EPHA7: variants seen among roughly 807,000 people sequenced by gnomAD.
EPHA7 encodes EPH receptor A7.
EPHA7 carries 25 observed loss-of-function variants against 112.6 expected under a neutral mutation model. The observed-to-expected ratio is 0.22, with a 90% CI of 0.16 to 0.31. The LOEUF is 0.31. Among genes scored for constraint, EPHA7 ranks in the 10% least tolerant of loss-of-function variants. EPHA7 has a pLI of 1.00. For synonymous variants in EPHA7, 437 were observed against 406.5 expected (o/e 1.07, Z -0.90); for missense variants, 962 against 1,212.6 (o/e 0.79, Z 3.07).
At chr6:93,352,301 A>C (rs577395991) in intron 5 of EPHA7, among the ~76,000 whole-genome samples, 1 of 152,132 alleles carries the variant, frequency 6.6e-6, no homozygotes, top group Admixed American at 6.6e-5. Context: ...TGTTTTTATT[A>C]ACGTTCATAC....
At chr6:93,253,336 A>T (rs2127853539) in intron 14 of EPHA7, among the ~76,000 whole-genome samples, 1 of 152,220 alleles carries the variant, frequency 6.6e-6, no homozygotes, top group East Asian at 1.9e-4. Flanking sequence ...ATCCAATTCA[A>T]AATATCAATA....
At chr6:93,398,451 T>C (rs1245730767) in intron 3 of EPHA7, among the ~76,000 whole-genome samples, 1 of 152,052 alleles carries the variant, frequency 6.6e-6, no homozygotes, top group African/African-American at 2.4e-5. Flanking sequence ...TATGAAAATG[T>C]GCCATACCGT....
chr6:93,327,437 G>A (rs1774377530), intron 5 of EPHA7, among the ~76,000 whole-genome samples: 1 of 151,124 alleles, frequency 6.6e-6, no homozygotes. Flanking sequence ...ATTCCATGTC[G>A]ATGCTGAAAA....
chr6:93,242,017 G>C lies in EPHA7; in HGVS notation c.*1409C>G, dbSNP rs1014012183. 9 of 209,558 alleles carry C rather than the reference G, an allele frequency of 4.3e-5. No individual in the cohort carries two copies. The highest frequency in any genetic ancestry group is 7.8e-5 in the Non-Finnish European group (8 of 102,716). 13.0% of individuals were successfully genotyped at this position (209,558 alleles called of 1,614,324 possible). A position where few individuals can be genotyped will look rare whatever the true frequency, so the allele number is the denominator to read the frequency against. On this transcript the variant is annotated 3_prime_UTR_variant, in exon 17 of 17. Coordinates refer to ENST00000369303, the MANE Select transcript of EPHA7 (RefSeq NM_004440.4). ...TTTGGAAGTACAACAGTTCAATTCT[G>C]GGGTAGTTCATGATTTTCATAAGTT...
intron 3 of EPHA7, among the ~76,000 whole-genome samples, chr6:93,396,102 GCTAAA>G (rs1778158918): frequency 6.6e-6 from 1 of 151,816 alleles, no homozygotes; most frequent in Admixed American, 6.6e-5. Context: ...CACAGAAAAT[GCTAAA>G]CTATTTATCT....
rs191066169 is a variant in EPHA7, at chr6:93,294,759, T to C, written c.1325-22337A>G. On this transcript the variant is annotated intron_variant, in intron 5 of 16. Coordinates refer to ENST00000369303, the MANE Select transcript of EPHA7 (RefSeq NM_004440.4). ...GCTTAAATCCAACTTTTTCAATGCATACATTAATAGATATAGATTCACATA... is the reference window on the plus strand; with the variant it reads ...GCTTAAATCCAACTTTTTCAATGCACACATTAATAGATATAGATTCACATA... Among the ~76,000 whole-genome samples, 147 of 152,240 alleles carry C rather than the reference T, an allele frequency of 9.7e-4. 2 individuals are homozygous for C. The highest frequency in any genetic ancestry group is 3.3e-3 in the African/African-American group (139 of 41,574).
At chr6:93,244,667 C>G (rs1356980392) in intron 16 of EPHA7, among the ~76,000 whole-genome samples, 6 of 151,592 alleles carry the variant, frequency 4.0e-5, no homozygotes, top group African/African-American at 1.2e-4. Context: ...TTTATCAGGT[C>G]ATTTTTTTCA....
chr6:93,296,293 C>T (rs1348361706), intron 5 of EPHA7, among the ~76,000 whole-genome samples: 1 of 151,080 alleles, frequency 6.6e-6, no homozygotes, highest in Non-Finnish European at 1.5e-5. Flanking sequence ...TGGGACTATA[C>T]CCAAAGGGAA....
At chr6:93,346,353 TA>T (rs1336358482) in intron 5 of EPHA7, among the ~76,000 whole-genome samples, 3 of 151,698 alleles carry the variant, frequency 2.0e-5, no homozygotes, top group African/African-American at 7.3e-5. Flanking sequence ...ACCGCTTCAA[TA>T]ACACTTAGAG....
chr6:93,343,261 A>G (rs750493052), intron 5 of EPHA7, among the ~76,000 whole-genome samples: 1 of 151,724 alleles, frequency 6.6e-6, no homozygotes, highest in Non-Finnish European at 1.5e-5. Flanking sequence ...CTTACATGCA[A>G]TTTAAATAAT....
Position 93,411,107 on chromosome 6 carries a change from C to G in EPHA7, c.226G>C (p.Val76Leu). The stretch of plus-strand genomic sequence containing the variant: ...CAGTTGTTTTGGTTGGGCTCCATGA[C>G]TTGGCACACCTGGTATGTTCGTATC... ...TPIRTYQVCQVMEPNQNNWLR... is the reference protein window; with the variant it reads ...TPIRTYQVCQLMEPNQNNWLR... Residue 76 changes from valine to leucine, a missense_variant, in exon 3 of 17, where the codon GTC becomes CTC. Physicochemically the swap from Val to Leu is conservative, Grantham distance 32. Around this residue, in one of 3 missense-constraint regions of EPHA7, gnomAD observed 160 missense variants for 263.6 expected, o/e 0.61. Transcript: ENST00000369303. The G allele has an allele frequency of 6.2e-7, 1 of 1,613,730 alleles. No individual in the cohort carries two copies. Among genetic ancestry groups the G allele is most frequent in the East Asian group, 2.2e-5 (1 of 44,868 alleles).
chr6:93,255,367 A>AACG (rs1156812355), intron 13 of EPHA7, among the ~76,000 whole-genome samples: 3 of 151,818 alleles, frequency 2.0e-5, no homozygotes, highest in Non-Finnish European at 4.4e-5. Flanking sequence ...CAACAACAAC[A>AACG]ACAGCCACAA....
chr6:93,358,968 G>T (rs1776102116), intron 3 of EPHA7, among the ~76,000 whole-genome samples: 1 of 152,074 alleles, frequency 6.6e-6, no homozygotes, highest in Admixed American at 6.6e-5. Flanking sequence ...CTCCAAGATA[G>T]AATTTCAACC....
intron 2 of EPHA7, among the ~76,000 whole-genome samples, chr6:93,411,486 A>G (rs559585534): frequency 1.3e-5 from 2 of 152,236 alleles, no homozygotes; most frequent in South Asian, 4.1e-4. Context: ...ATTTTTATAG[A>G]CTAAAGCTCA....
At chr6:93,298,461 A>G (rs1424909466) in intron 5 of EPHA7, among the ~76,000 whole-genome samples, 1 of 152,140 alleles carries the variant, frequency 6.6e-6, no homozygotes, top group Non-Finnish European at 1.5e-5. Flanking sequence ...ATATAAAATT[A>G]AATGGCAACA....
intron 2 of EPHA7, among the ~76,000 whole-genome samples, chr6:93,413,905 C>T (rs1779098106): frequency 6.6e-6 from 1 of 151,778 alleles, no homozygotes; most frequent in Non-Finnish European, 1.5e-5. Flanking sequence ...AAGATAAACA[C>T]AAATAGCAAT....
chr6:93,283,452 A>G (rs935287781), intron 5 of EPHA7, among the ~76,000 whole-genome samples: 1 of 152,086 alleles, frequency 6.6e-6, no homozygotes. Context: ...ACTCTTTGTG[A>G]TAAATCTTGC....
intron 1 of EPHA7, among the ~76,000 whole-genome samples, chr6:93,418,587 A>G (rs1779362355): frequency 6.6e-6 from 1 of 152,306 alleles, no homozygotes; most frequent in East Asian, 1.9e-4. Flanking sequence ...CGCGCGCTGA[A>G]TGGAGACATC....
intron 3 of EPHA7, among the ~76,000 whole-genome samples, chr6:93,380,227 C>A (rs529724932): frequency 6.6e-6 from 1 of 152,010 alleles, no homozygotes; most frequent in Non-Finnish European, 1.5e-5. Context: ...ATAATTCCTG[C>A]GCTCCAGTTC....
Sources: allele counts gnomAD v4.1 joint callset (sites outside exome capture counted in the v4.1 genomes callset), GRCh38; gene constraint gnomAD v4.1.1; regional missense constraint gnomAD v4.1.1; transcripts MANE v1.5; gene names NCBI Gene and HGNC (gene_info 2026-07-23, HGNC 2026-07-21).